CDC42BPA: variants seen among roughly 807,000 people sequenced by gnomAD.
The protein encoded by CDC42BPA is CDC42 binding protein kinase alpha, also known as serine/threonine-protein kinase MRCK alpha.
Under a neutral mutation model 223.5 loss-of-function variants are expected in CDC42BPA, and 80 were observed. The observed-to-expected ratio is 0.36, with a 90% CI of 0.30 to 0.43. The LOEUF is 0.43. CDC42BPA is among the 20% of genes least tolerant of loss of function. The pLI is 1.00. For synonymous variants in CDC42BPA, 694 were observed against 718.6 expected (o/e 0.97, Z 0.55); for missense variants, 1,743 against 2,099.9 (o/e 0.83, Z 3.32).
intron 6 of CDC42BPA, among the ~76,000 whole-genome samples, chr1:227,154,190 A>G (rs1472159224): frequency 6.6e-6 from 1 of 152,010 alleles, no homozygotes; most frequent in Non-Finnish European, 1.5e-5. Context: ...ATCTTGATGG[A>G]TGCAGAGAAG....
rs1036303731 is a variant in CDC42BPA, at chr1:227,282,309, G to A, written c.179-28154C>T. The stretch of plus-strand genomic sequence containing the variant: ...GAGATTACCTAAAAATTATTTTATG[G>A]TTCCTATTCAGTCCTGTTAAAATGT... On this transcript the variant is annotated intron_variant, in intron 1 of 36. Coordinates refer to ENST00000366766, the MANE Select transcript of CDC42BPA (RefSeq NM_001394014.1). Among the ~76,000 whole-genome samples, 5 of 152,140 alleles carry A rather than the reference G, an allele frequency of 3.3e-5. No individual in the cohort carries two copies. The East Asian group carries it at 7.7e-4, about 23-fold the overall frequency.
Position 227,016,045 on chromosome 1 carries a change from C to T in CDC42BPA, c.4857+35G>A, listed in dbSNP as rs370996381. 3.9e-5 allele frequency: 43 copies of T among 1,107,212 alleles called. 1 individual carries two copies. The highest frequency in any genetic ancestry group is 2.3e-4 in the Admixed American group (13 of 56,838). 68.6% of individuals were successfully genotyped at this position (1,107,212 alleles called of 1,614,324 possible). On this transcript the variant is annotated intron_variant, in intron 34 of 36. Transcript: ENST00000366766. Reference sequence around the variant, plus strand: ...TATGTATTTATACTCCCCCCACACCCGCCCTTTTTTACACTCACTCTTAAT... The same window carrying T: ...TATGTATTTATACTCCCCCCACACCTGCCCTTTTTTACACTCACTCTTAAT...
At position 226,999,362 on chromosome 1, in the gene CDC42BPA, G is replaced by A. The variant is rs530539320; in HGVS notation, c.4976-4382C>T. ...CAGCTAATTTTTTGAATTTTTAGTA[G>A]AGACAGGTTTTCACCATCTTAGCAA... On this transcript the variant is annotated intron_variant, in intron 35 of 36. Transcript: ENST00000366766. Among the ~76,000 whole-genome samples, 389 of 152,168 alleles carry A rather than the reference G, an allele frequency of 2.6e-3. 2 individuals are homozygous for A. Among genetic ancestry groups the A allele is most frequent in the African/African-American group, 9.0e-3 (374 of 41,512 alleles).
At chr1:227,028,053 G>A (rs1668594082) in intron 30 of CDC42BPA, among the ~76,000 whole-genome samples, 1 of 151,180 alleles carries the variant, frequency 6.6e-6, no homozygotes, top group Non-Finnish European at 1.5e-5. Flanking sequence ...GTAAGAGTTG[G>A]AGGCTGCAGT....
intron 1 of CDC42BPA, among the ~76,000 whole-genome samples, chr1:227,297,661 A>G (rs1690877219): frequency 6.6e-6 from 1 of 152,126 alleles, no homozygotes; most frequent in Non-Finnish European, 1.5e-5. Context: ...TACGAATAGC[A>G]TGCTAAATGA....
At chr1:227,135,828 T>G (rs1571893328) in intron 10 of CDC42BPA, among the ~76,000 whole-genome samples, 1 of 126,520 alleles carries the variant, frequency 7.9e-6, no homozygotes, top group African/African-American at 3.1e-5. Context: ...CACTCCAGCC[T>G]GGGCGACAGA....
chr1:227,169,209 C>T (rs2149904160), intron 5 of CDC42BPA, among the ~76,000 whole-genome samples: 1 of 152,240 alleles, frequency 6.6e-6, no homozygotes, highest in East Asian at 1.9e-4. Flanking sequence ...TAGTTGTTAA[C>T]AGCCACTTAA....
intron 1 of CDC42BPA, among the ~76,000 whole-genome samples, chr1:227,313,749 C>T (rs770833716): frequency 1.5e-5 from 2 of 137,462 alleles, no homozygotes; most frequent in African/African-American, 2.7e-5. Context: ...AATTAACACT[C>T]GTGTCATAAA....
At chr1:227,061,473 A>G (rs888431954) in intron 21 of CDC42BPA, among the ~76,000 whole-genome samples, 2 of 152,200 alleles carry the variant, frequency 1.3e-5, no homozygotes, top group Non-Finnish European at 2.9e-5. Flanking sequence ...AAAACTATTA[A>G]GTGGTAGAGC....
At chr1:227,100,781 T>TGTGTGTGTGTGTGTGTGTGTGTGC (rs1488030733) in intron 15 of CDC42BPA, among the ~76,000 whole-genome samples, 1 of 149,788 alleles carries the variant, frequency 6.7e-6, no homozygotes, top group Non-Finnish European at 1.5e-5. Context: ...TGTGTGTGCG[T>TGTGTGTGTGTGTGTGTGTGTGTGC]GTGCCATCAT....
intron 2 of CDC42BPA, among the ~76,000 whole-genome samples, chr1:227,241,445 A>G (rs2148115257): frequency 6.6e-6 from 1 of 152,284 alleles, no homozygotes; most frequent in Admixed American, 6.5e-5. Context: ...ACAAATGTTC[A>G]TCAATAGGAA....
chr1:227,072,167 T>C, intron 20 of CDC42BPA, 41 bp downstream of exon 20: 1 of 1,052,464 alleles, frequency 9.5e-7, no homozygotes, highest in Non-Finnish European at 1.4e-6. Context: ...ATTTATAACA[T>C]AACAGTAAGT....
chr1:227,124,607 G>C (rs1689218474), intron 11 of CDC42BPA, among the ~76,000 whole-genome samples: 1 of 152,178 alleles, frequency 6.6e-6, no homozygotes, highest in Non-Finnish European at 1.5e-5. Flanking sequence ...AAAACAGTAT[G>C]TGAAGGAAGT....
rs140048962 is a variant in CDC42BPA, at chr1:226,994,475, C to T, written c.5134-76G>A. The T allele has an allele frequency of 3.0e-4, 434 of 1,434,390 alleles. 3 individuals are homozygous for T. Among genetic ancestry groups the T allele is most frequent in the Middle Eastern group, 2.3e-3 (12 of 5,228 alleles). 88.9% of individuals were successfully genotyped at this position (1,434,390 alleles called of 1,614,324 possible). A position where few individuals can be genotyped will look rare whatever the true frequency, so the allele number is the denominator to read the frequency against. The stretch of plus-strand genomic sequence containing the variant: ...GCAGAAGGGGCTCAGATTACCACCG[C>T]CCCCTCCAGCCACCCTGACCAAATA... On this transcript the variant is annotated intron_variant, in intron 36 of 36. Coordinates refer to ENST00000366766, the MANE Select transcript of CDC42BPA (RefSeq NM_001394014.1). This position sits in a 1 kb window ranked among gnomAD's most constrained non-coding sequence, Gnocchi z 4.0.
chr1:227,216,127 T>C (rs1674793271), intron 2 of CDC42BPA, among the ~76,000 whole-genome samples: 1 of 137,340 alleles, frequency 7.3e-6, no homozygotes, highest in Non-Finnish European at 1.6e-5. Flanking sequence ...TCTCTATATA[T>C]ATATATACAC....
chr1:227,018,146 A>T (rs752955908), intron 32 of CDC42BPA, among the ~76,000 whole-genome samples: 26 of 151,946 alleles, frequency 1.7e-4, no homozygotes, highest in Non-Finnish European at 3.2e-4. Flanking sequence ...TCCTGGGCTC[A>T]AGTGATCCTC....
chr1:227,098,952 T>C (rs1408487336), intron 15 of CDC42BPA, among the ~76,000 whole-genome samples: 1 of 152,080 alleles, frequency 6.6e-6, no homozygotes, highest in African/African-American at 2.4e-5. Flanking sequence ...CATTAGTCCA[T>C]AACTGCGTAA....
intron 24 of CDC42BPA, 36 bp from the exon 25 acceptor site, chr1:227,035,643 T>C (rs1256002491): frequency 6.5e-7 from 1 of 1,532,866 alleles, no homozygotes; most frequent in Non-Finnish European, 8.7e-7. Context: ...TGATAAAAAT[T>C]CATTTTAACA....
At chr1:227,267,115 T>A (rs1685134501) in intron 1 of CDC42BPA, among the ~76,000 whole-genome samples, 1 of 152,200 alleles carries the variant, frequency 6.6e-6, no homozygotes, top group Non-Finnish European at 1.5e-5. Context: ...CACAAAAAGT[T>A]TGGTCCTACT....
Sources: gnomAD v4.1 joint callset for allele counts (sites outside exome capture counted in the v4.1 genomes callset) on GRCh38, gnomAD v4.1.1 for gene constraint, Gnocchi (gnomAD v3.1) non-coding constraint, MANE v1.5 for transcripts, NCBI Gene and HGNC (gene_info 2026-07-23, HGNC 2026-07-21) for gene names.